The following UPK2 variants were observed in gnomAD, a reference collection of about 807,000 sequenced individuals.
UPK2 encodes the protein uroplakin 2, also known as uroplakin-2.
Under a neutral mutation model 14.8 loss-of-function variants are expected in UPK2, and 19 were observed. The ratio of observed to expected loss-of-function variants is 1.29; its 90% CI spans 0.90 to 1.89. The LOEUF (loss-of-function observed/expected upper bound fraction) is 1.89. UPK2 is among the 40% of genes most tolerant of loss of function. The probability of loss-of-function intolerance (pLI) is 0.00; values close to 1 mark genes in which losing one functional copy is unlikely to be tolerated. For synonymous variants in UPK2, 102 were observed against 101.6 expected (o/e 1.00, Z -0.02); for missense variants, 232 against 236.0 (o/e 0.98, Z 0.11).
chr11:118,956,602 A>G lies in UPK2; in HGVS notation c.76+176A>G, dbSNP rs955937315. Among the ~76,000 whole-genome samples, 2 of 152,084 alleles carry G rather than the reference A, an allele frequency of 1.3e-5. No individual in the cohort carries two copies. The highest frequency in any genetic ancestry group is 2.1e-4 in the South Asian group (1 of 4,832). On this transcript the variant is annotated intron_variant, in intron 1 of 4. Transcript: ENST00000264031. This position sits in a 1 kb window ranked among gnomAD's most constrained non-coding sequence, Gnocchi z 4.1. ...ACACTCCTGATCCTCCTCCAGACCT[A>G]GGAGGCAGAGAGGTGTGGGCAAGGA...
At chr11:118,957,515 G>A in intron 3 of UPK2, 83 bp from the exon 4 acceptor site, 1 of 1,567,386 alleles carries the variant, frequency 6.4e-7, no homozygotes, top group South Asian at 1.1e-5. Context: ...AGCTGTGAGG[G>A]TAGGTGGCCC....
chr11:118,956,509 A>T lies in UPK2; in HGVS notation c.76+83A>T, dbSNP rs1490791995. On this transcript the variant is annotated intron_variant, in intron 1 of 4. Transcript: ENST00000264031. The surrounding 1 kb of genome is among the most constrained non-coding windows in gnomAD (Gnocchi z 4.1). The stretch of plus-strand genomic sequence containing the variant: ...TGTACCTTCCAGGGCTCTCAAAGAG[A>T]GGTCTGGACAGTTGGGAGTCAGGGC... The T allele has an allele frequency of 4.0e-6, 5 of 1,248,968 alleles. No homozygotes were observed. In the African/African-American group the frequency reaches 7.4e-5, roughly 19 times the overall value. The allele number at this position is 1,248,968 out of a possible 1,614,324, so 77.4% of individuals were successfully genotyped here. A position where few individuals can be genotyped will look rare whatever the true frequency, so the allele number is the denominator to read the frequency against.
Position 118,958,032 on chromosome 11 carries a change from G to T in UPK2, c.419-65G>T. On this transcript the variant is annotated intron_variant, in intron 4 of 4. Transcript: ENST00000264031. This position sits in a 1 kb window ranked among gnomAD's most constrained non-coding sequence, Gnocchi z 4.6. ...AGTCTGTTGGCTGGATGAGTGTGAGGCCGTGAGCCTCAGGCAGGCTGGGGG... is the reference window on the plus strand; with the variant it reads ...AGTCTGTTGGCTGGATGAGTGTGAGTCCGTGAGCCTCAGGCAGGCTGGGGG... 2.6e-6 allele frequency: 4 copies of T among 1,554,234 alleles called. No homozygotes were observed. The highest frequency in any genetic ancestry group is 1.2e-5 in the South Asian group (1 of 82,212).
In UPK2 at chr11:118,956,806, G is replaced by C. The variant is rs757177322; in HGVS notation, c.77-77G>C. On this transcript the variant is annotated intron_variant, in intron 1 of 4. Coordinates refer to ENST00000264031, the MANE Select transcript of UPK2 (RefSeq NM_006760.4). The surrounding 1 kb of genome is among the most constrained non-coding windows in gnomAD (Gnocchi z 4.1). ...GGTTCACAGAGTGGAAAGGGAGATG[G>C]CTCCAATGGGACCGGGCCAGATCTG... is the stretch of plus-strand genomic sequence containing the variant. 93 of 1,581,112 alleles carry C rather than the reference G, an allele frequency of 5.9e-5. No individual in the cohort carries two copies. The highest frequency in any genetic ancestry group is 7.9e-5 in the Non-Finnish European group (92 of 1,158,054).
intron 4 of UPK2, 139 bp downstream of exon 4, chr11:118,957,807 G>A (rs1030499123): frequency 1.3e-5 from 13 of 992,974 alleles, no homozygotes; most frequent in African/African-American, 9.7e-5. Flanking sequence ...ATCCTAGCAC[G>A]GAACCTTCGG....
chr11:118,956,952 C>G lies in UPK2; in HGVS notation c.146C>G (p.Pro49Arg). The change falls in exon 2 of 5, where the codon CCC (proline) becomes CGC (arginine). Residue 49 changes from proline to arginine, a missense_variant. Physicochemically the swap from Pro to Arg is moderately radical, Grantham distance 103 (BLOSUM62 -2). Coordinates refer to ENST00000264031, the MANE Select transcript of UPK2 (RefSeq NM_006760.4). This position sits in a 1 kb window ranked among gnomAD's most constrained non-coding sequence, Gnocchi z 4.1. ...ALTESLLVAL[P>R]PCHLTGGNAT... is the part of the protein sequence containing the mutation. ...ACGGAGAGCCTGCTGGTTGCCTTGC[C>G]CCCCTGTCACCTCACAGGAGGCAAT... is the stretch of plus-strand genomic sequence containing the variant. 3 of 1,614,036 alleles carry G rather than the reference C, an allele frequency of 1.9e-6. No individual in the cohort carries two copies. Among genetic ancestry groups the G allele is most frequent in the Non-Finnish European group, 2.5e-6 (3 of 1,180,014 alleles).
Position 118,956,550 on chromosome 11 carries a change from C to A in UPK2, c.76+124C>A. 1 of 837,124 alleles carries A rather than the reference C, an allele frequency of 1.2e-6. No individual in the cohort carries two copies. The highest frequency in any genetic ancestry group is 1.6e-5 in the South Asian group (1 of 64,362). 51.9% of individuals were successfully genotyped at this position (837,124 alleles called of 1,614,324 possible). A position where few individuals can be genotyped will look rare whatever the true frequency, so the allele number is the denominator to read the frequency against. ...GAGTCAGGGCTGGTGATGGCAGTGA[C>A]TGGGTATCAGACACTGGGCTCAGGG... On this transcript the variant is annotated intron_variant, in intron 1 of 4. Transcript: ENST00000264031. The surrounding 1 kb of genome is among the most constrained non-coding windows in gnomAD (Gnocchi z 4.1).
At position 118,957,479 on chromosome 11, in the gene UPK2, T is replaced by C; in HGVS notation, c.348-119T>C. On this transcript the variant is annotated intron_variant, in intron 3 of 4. Transcript: ENST00000264031. The stretch of plus-strand genomic sequence containing the variant: ...AAAAGGGGGTGAAAGCTGGGCCTCT[T>C]GGAGGAGTGCACATAGGGGAGACAC... 4.5e-6 allele frequency: 7 copies of C among 1,543,334 alleles called. No homozygotes were observed. In the South Asian group the frequency reaches 6.9e-5, roughly 15 times the overall value.
Position 118,958,215 on chromosome 11 carries a change from A to G in UPK2, c.537A>G (p.Ala179=), listed in dbSNP as rs1345987842. ...LLVLGFIIAL[A]LGSRK ...TGCTGGGCTTCATCATTGCCCTGGC[A>G]CTGGGCTCCCGCAAGTAAGGAGGTC... Residue 179 remains alanine, a synonymous_variant, in exon 5 of 5, where the codon GCA becomes GCG. Coordinates refer to ENST00000264031, the MANE Select transcript of UPK2 (RefSeq NM_006760.4). This position sits in a 1 kb window ranked among gnomAD's most constrained non-coding sequence, Gnocchi z 4.6. 3.1e-6 allele frequency: 5 copies of G among 1,613,604 alleles called. No homozygotes were observed. The highest frequency in any genetic ancestry group is 4.2e-6 in the Non-Finnish European group (5 of 1,179,850).
chr11:118,957,589 C>T lies in UPK2; in HGVS notation c.348-9C>T. 6.2e-7 allele frequency: 1 copy of T among 1,614,140 alleles called. No individual in the cohort carries two copies. The highest frequency in any genetic ancestry group is 8.5e-7 in the Non-Finnish European group (1 of 1,180,002). On this transcript the variant is annotated splice_polypyrimidine_tract_variant and intron_variant, in intron 3 of 4. Coordinates refer to ENST00000264031, the MANE Select transcript of UPK2 (RefSeq NM_006760.4). Reference sequence around the variant, plus strand: ...TGAGGGTTCTCTACTCTCTCCCAAACCACAAAAGCATTTCCTACCTAGTGA... The same window carrying T: ...TGAGGGTTCTCTACTCTCTCCCAAATCACAAAAGCATTTCCTACCTAGTGA...
chr11:118,956,646 G>A lies in UPK2; in HGVS notation c.76+220G>A, dbSNP rs745383631. ...GCAAGGATCCGATGCTGCGGGGAGG[G>A]GTGAGGTTGGGCGCTGCCCGACTCC... On this transcript the variant is annotated intron_variant, in intron 1 of 4. Transcript: ENST00000264031. The surrounding 1 kb of genome is among the most constrained non-coding windows in gnomAD (Gnocchi z 4.1). Among the ~76,000 whole-genome samples the A allele has an allele frequency of 3.9e-5, 6 of 152,146 alleles. No homozygotes were observed. Among genetic ancestry groups the A allele is most frequent in the Non-Finnish European group, 5.9e-5 (4 of 68,016 alleles).
At chr11:118,957,165 C>T (rs1941569765) in intron 2 of UPK2, 43 bp from the exon 3 acceptor site, 23 of 1,613,474 alleles carry the variant, frequency 1.4e-5, no homozygotes, top group Non-Finnish European at 1.9e-5. Context: ...TTGGGGCCTC[C>T]AGAAACTTGA....
At position 118,957,215 on chromosome 11, in the gene UPK2, G is replaced by GT. The variant is rs1565640806; in HGVS notation, c.217dup (p.Ser73PhefsTer56). ...CCCGCCACTTCTGCCCAGTGGTGACGTCCAGCTTTGTGGTGCCTCCGTGCC... is the reference window on the plus strand; with the variant it reads ...CCCGCCACTTCTGCCCAGTGGTGACGTTCCAGCTTTGTGGTGCCTCCGTGCC... On this transcript the variant is annotated frameshift_variant, in exon 3 of 5. Transcript: ENST00000264031. LOFTEE classifies it high-confidence loss of function. 1 of 1,614,030 alleles carries GT rather than the reference G, an allele frequency of 6.2e-7. No individual in the cohort carries two copies. The highest frequency in any genetic ancestry group is 1.7e-5 in the Admixed American group (1 of 60,004).
chr11:118,958,479 C>T lies in UPK2; in HGVS notation c.*246C>T. On this transcript the variant is annotated 3_prime_UTR_variant, in exon 5 of 5. Transcript: ENST00000264031. The surrounding 1 kb of genome is among the most constrained non-coding windows in gnomAD (Gnocchi z 4.6). ...AGAGTTGACTTTCCTCCCATTTTAC[C>T]ACTTTAAACACCCCCATAACAATTC... 2.0e-6 allele frequency: 1 copy of T among 491,818 alleles called. No individual in the cohort carries two copies. The highest frequency in any genetic ancestry group is 3.7e-6 in the Non-Finnish European group (1 of 273,058). The allele number at this position is 491,818 out of a possible 1,614,324, so 30.5% of individuals were successfully genotyped here. A position where few individuals can be genotyped will look rare whatever the true frequency, so the allele number is the denominator to read the frequency against.
In UPK2 at chr11:118,957,207, G is replaced by T. The variant is rs77809657; in HGVS notation, c.209-1G>T. On this transcript the variant is annotated splice_acceptor_variant, in intron 2 of 4. Transcript: ENST00000264031. LOFTEE classifies it high-confidence loss of function. ...CTTCCCCTCCCGCCACTTCTGCCCA[G>T]TGGTGACGTCCAGCTTTGTGGTGCC... is the stretch of plus-strand genomic sequence containing the variant. 1 of 1,613,952 alleles carries T rather than the reference G, an allele frequency of 6.2e-7. No individual in the cohort carries two copies. The highest frequency in any genetic ancestry group is 8.5e-7 in the Non-Finnish European group (1 of 1,179,976).
rs2134468157 is a variant in UPK2 at position 118,958,086 on chromosome 11, TC to T, written c.419-10del. ...CTCCCGCCCACAGTGGTCTCCCCTC[TC>T]TTTTGACAGGAAGGAACATGGAATC... On this transcript the variant is annotated splice_polypyrimidine_tract_variant and intron_variant, in intron 4 of 4. Transcript: ENST00000264031. This position sits in a 1 kb window ranked among gnomAD's most constrained non-coding sequence, Gnocchi z 4.6. The T allele has an allele frequency of 6.2e-7, 1 of 1,608,880 alleles. No homozygotes were observed. Among genetic ancestry groups the T allele is most frequent in the Non-Finnish European group, 8.5e-7 (1 of 1,176,356 alleles).
In UPK2 at chr11:118,956,448, G is replaced by C. The variant is rs1049512704; in HGVS notation, c.76+22G>C. The C allele has an allele frequency of 3.1e-6, 5 of 1,594,826 alleles. No individual in the cohort carries two copies. Among genetic ancestry groups the C allele is most frequent in the Admixed American group, 1.7e-5 (1 of 59,910 alleles). The stretch of plus-strand genomic sequence containing the variant: ...GCAGGTCTCTTCCATCTCTGGCAGG[G>C]GTGGGAAGGGGGCTGGGGGCCTGGA... On this transcript the variant is annotated intron_variant, in intron 1 of 4. Transcript: ENST00000264031. This position sits in a 1 kb window ranked among gnomAD's most constrained non-coding sequence, Gnocchi z 4.1.
In UPK2 at chr11:118,956,851, C is replaced by T. The variant is rs774399174; in HGVS notation, c.77-32C>T. On this transcript the variant is annotated intron_variant, in intron 1 of 4. Coordinates refer to ENST00000264031, the MANE Select transcript of UPK2 (RefSeq NM_006760.4). The surrounding 1 kb of genome is among the most constrained non-coding windows in gnomAD (Gnocchi z 4.1). The stretch of plus-strand genomic sequence containing the variant: ...GATCTGTTGGCCAGGAGGGGTCAGT[C>T]CCCATCGGAGCTCCCTCCTGCCTCC... The T allele has an allele frequency of 7.4e-6, 12 of 1,612,904 alleles. No homozygotes were observed. In the Admixed American group the frequency reaches 1.5e-4, roughly 20 times the overall value.
rs1453495117 is a variant in UPK2, at chr11:118,956,734, C to T, written c.77-149C>T. ...AGGGTGCAGCTTCTGCAGCCCAAGCCTGCCACCTGGTGGTCATACTGGCAC... is the reference window on the plus strand; with the variant it reads ...AGGGTGCAGCTTCTGCAGCCCAAGCTTGCCACCTGGTGGTCATACTGGCAC... On this transcript the variant is annotated intron_variant, in intron 1 of 4. Coordinates refer to ENST00000264031, the MANE Select transcript of UPK2 (RefSeq NM_006760.4). This position sits in a 1 kb window ranked among gnomAD's most constrained non-coding sequence, Gnocchi z 4.1. 3 of 1,127,036 alleles carry T rather than the reference C, an allele frequency of 2.7e-6. No homozygotes were observed. In the African/African-American group the frequency reaches 4.7e-5, roughly 18 times the overall value. The allele number at this position is 1,127,036 out of a possible 1,614,324, so 69.8% of individuals were successfully genotyped here. A position where few individuals can be genotyped will look rare whatever the true frequency, so the allele number is the denominator to read the frequency against.
Sources: allele counts gnomAD v4.1 joint callset (sites outside exome capture counted in the v4.1 genomes callset), GRCh38; gene constraint gnomAD v4.1.1; non-coding constraint Gnocchi (gnomAD v3.1); transcripts MANE v1.5; gene names NCBI Gene and HGNC (gene_info 2026-07-23, HGNC 2026-07-21).